Variants in LIMCH1 observed in about 807,000 individuals in gnomAD.
LIMCH1 encodes the protein LIM and calponin homology domains-containing protein 1.
A neutral mutation model predicts 176.5 loss-of-function variants in LIMCH1; 113 were observed. The ratio of observed to expected loss-of-function variants is 0.64; its 90% CI spans 0.55 to 0.75. LIMCH1 has a LOEUF of 0.75. Among genes scored for constraint, LIMCH1 ranks in the 30% least tolerant of loss-of-function variants. The pLI is 0.00. For missense variants in LIMCH1, 1,674 were observed against 1,814.9 expected, an observed-to-expected ratio of 0.92 and a Z score of 1.41; for synonymous variants, 619 against 645.9, an observed-to-expected ratio of 0.96 and a Z score of 0.63.
chr4:41,670,889 G>A, intron 21 of LIMCH1: 1 of 1,483,960 alleles, frequency 6.7e-7, no homozygotes, highest in Non-Finnish European at 8.9e-7. Context: ...CTGATTTCTG[G>A]GGAAAAAATT....
chr4:41,565,343 G>A (rs954935133), intron 1 of LIMCH1, among the ~76,000 whole-genome samples: 9 of 102,632 alleles, frequency 8.8e-5, no homozygotes, highest in African/African-American at 2.9e-4. Context: ...TAGCTATTTC[G>A]GATACACACA....
chr4:41,573,283 T>C, intron 1 of LIMCH1, among the ~76,000 whole-genome samples: 1 of 152,218 alleles, frequency 6.6e-6, no homozygotes, highest in East Asian at 1.9e-4. Context: ...TTTTAAAAAA[T>C]CATTGCCATC....
intron 1 of LIMCH1, among the ~76,000 whole-genome samples, chr4:41,413,569 T>C (rs2059678592): frequency 6.6e-6 from 1 of 151,598 alleles, no homozygotes; most frequent in Non-Finnish European, 1.5e-5. Flanking sequence ...AAATCCTGGC[T>C]TCAAGTGATC....
chr4:41,613,775 G>T, intron 5 of LIMCH1, 114 bp downstream of exon 5: 1 of 824,930 alleles, frequency 1.2e-6, no homozygotes. Context: ...CCACCTTGCC[G>T]GAACTTAGTA....
intron 17 of LIMCH1, among the ~76,000 whole-genome samples, chr4:41,648,519 ACTGG>A (rs1296502295): frequency 3.9e-5 from 6 of 152,192 alleles, no homozygotes; most frequent in Non-Finnish European, 8.8e-5. Context: ...TGTAGGCCTC[ACTGG>A]CTAGTATTTC....
intron 1 of LIMCH1, among the ~76,000 whole-genome samples, chr4:41,567,211 C>T (rs898132336): frequency 2.6e-5 from 4 of 152,184 alleles, no homozygotes; most frequent in African/African-American, 9.7e-5. Flanking sequence ...GCTGTGCATA[C>T]ATGCTGAAGT....
chr4:41,408,924 A>G (rs1408183658), intron 1 of LIMCH1, among the ~76,000 whole-genome samples: 1 of 152,216 alleles, frequency 6.6e-6, no homozygotes, highest in Non-Finnish European at 1.5e-5. Context: ...GATGATCAGC[A>G]ATTTAGTCTT....
At chr4:41,687,110 C>T (rs1315648101) in intron 28 of LIMCH1, among the ~76,000 whole-genome samples, 1 of 152,172 alleles carries the variant, frequency 6.6e-6, no homozygotes, top group Non-Finnish European at 1.5e-5. Context: ...ACGCTGTTCG[C>T]TTCTGTGCTG....
intron 21 of LIMCH1, among the ~76,000 whole-genome samples, chr4:41,667,749 G>A (rs114749174): frequency 0.045 from 6,898 of 152,184 alleles, 201 homozygotes; most frequent in South Asian, 0.11. Flanking sequence ...GAACAGTGGA[G>A]GATGGGTTCT....
At chr4:41,414,609 T>C (rs2059767573) in intron 1 of LIMCH1, among the ~76,000 whole-genome samples, 1 of 152,190 alleles carries the variant, frequency 6.6e-6, no homozygotes, top group Admixed American at 6.5e-5. Flanking sequence ...TGGAGCCTGA[T>C]GTAAAATTAT....
intron 1 of LIMCH1, among the ~76,000 whole-genome samples, chr4:41,582,595 G>A (rs1370319318): frequency 4.6e-5 from 7 of 152,138 alleles, no homozygotes; most frequent in Non-Finnish European, 7.4e-5. Context: ...AACCATTTAC[G>A]TGTGTGCCAT....
intron 18 of LIMCH1, among the ~76,000 whole-genome samples, chr4:41,655,567 CAACTT>C (rs1311993227): frequency 6.6e-6 from 1 of 152,188 alleles, no homozygotes; most frequent in African/African-American, 2.4e-5. Context: ...TCTTCTAACT[CAACTT>C]GTTGTTCCAA....
At chr4:41,459,267 C>T (rs570665571) in intron 1 of LIMCH1, among the ~76,000 whole-genome samples, 8 of 151,818 alleles carry the variant, frequency 5.3e-5, no homozygotes, top group African/African-American at 1.7e-4. Flanking sequence ...ATTTCTTTGC[C>T]TCCCTCCTTC....
chr4:41,546,041 A>G (rs1418931816), intron 1 of LIMCH1, among the ~76,000 whole-genome samples: 6 of 152,334 alleles, frequency 3.9e-5, no homozygotes, highest in African/African-American at 9.6e-5. Context: ...CAGATTTCTA[A>G]GCAGATATTT....
At chr4:41,453,905 C>T (rs990814948) in intron 1 of LIMCH1, among the ~76,000 whole-genome samples, 1 of 152,118 alleles carries the variant, frequency 6.6e-6, no homozygotes, top group African/African-American at 2.4e-5. Flanking sequence ...TTTCTTTTTC[C>T]ACGCTTCTGT....
intron 1 of LIMCH1, among the ~76,000 whole-genome samples, chr4:41,572,700 C>T (rs1462280973): frequency 2.0e-5 from 3 of 152,168 alleles, no homozygotes; most frequent in Non-Finnish European, 2.9e-5. Flanking sequence ...TCTGTGAAAT[C>T]GCACAACCAG....
At chr4:41,605,083 G>A (rs1367965158) in intron 3 of LIMCH1, among the ~76,000 whole-genome samples, 1 of 152,156 alleles carries the variant, frequency 6.6e-6, no homozygotes, top group African/African-American at 2.4e-5. Context: ...CTCATCTTCA[G>A]CTGACTCTGC....
At chr4:41,434,375 C>T (rs1262437548) in intron 1 of LIMCH1, among the ~76,000 whole-genome samples, 7 of 152,196 alleles carry the variant, frequency 4.6e-5, no homozygotes, top group Non-Finnish European at 1.0e-4. Flanking sequence ...GGTCACCAGG[C>T]CAGGCAGCAA....
chr4:41,463,928 G>C (rs2154154502), intron 1 of LIMCH1, among the ~76,000 whole-genome samples: 1 of 152,134 alleles, frequency 6.6e-6, no homozygotes, highest in Non-Finnish European at 1.5e-5. Flanking sequence ...TATTTGCCCA[G>C]TCTGATCTCA....
Sources: allele counts gnomAD v4.1 joint callset (sites outside exome capture counted in the v4.1 genomes callset), GRCh38; gene constraint gnomAD v4.1.1; transcripts MANE v1.5; gene names NCBI Gene and HGNC (gene_info 2026-07-23, HGNC 2026-07-21).